The following RPTOR variants were observed in gnomAD, a reference collection of about 807,000 sequenced individuals.
RPTOR encodes the protein regulatory associated protein of MTOR complex 1, also known as regulatory-associated protein of mTOR.
RPTOR carries 21 observed loss-of-function variants against 169.9 expected under a neutral mutation model. That is an observed-to-expected ratio of 0.12 (90% CI 0.09 to 0.18). The LOEUF (loss-of-function observed/expected upper bound fraction) is 0.18. RPTOR is among the 10% of genes least tolerant of loss of function. The probability of loss-of-function intolerance (pLI) is 1.00; values close to 1 mark genes in which losing one functional copy is unlikely to be tolerated. For synonymous variants in RPTOR, 732 were observed against 753.2 expected (o/e 0.97, Z 0.46); for missense variants, 1,133 against 1,855.9 (o/e 0.61, Z 7.16).
At chr17:80,854,467 C>G (rs562282536) in intron 11 of RPTOR, among the ~76,000 whole-genome samples, 15 of 152,348 alleles carry the variant, frequency 9.8e-5, no homozygotes, top group African/African-American at 3.6e-4. Flanking sequence ...GGTTCAGCCT[C>G]AGGGTCATTT....
chr17:80,930,332 C>T (rs796270574), intron 24 of RPTOR, among the ~76,000 whole-genome samples: 254 of 82,168 alleles, frequency 3.1e-3, no homozygotes, highest in African/African-American at 4.0e-3. Context: ...TCAGCTCATC[C>T]TCAGCTCATC....
chr17:80,752,467 A>G (rs938855208), intron 5 of RPTOR, among the ~76,000 whole-genome samples: 2 of 152,248 alleles, frequency 1.3e-5, no homozygotes, highest in Admixed American at 1.3e-4. Context: ...GCTCTTCTCA[A>G]TTATTTCCAG....
At chr17:80,817,545 G>T (rs1391101110) in intron 7 of RPTOR, among the ~76,000 whole-genome samples, 1 of 152,018 alleles carries the variant, frequency 6.6e-6, no homozygotes, top group Non-Finnish European at 1.5e-5. Context: ...ACCGGGGAGG[G>T]ACAGGGCCCC....
intron 4 of RPTOR, among the ~76,000 whole-genome samples, chr17:80,710,801 A>T (rs1339171712): frequency 6.6e-6 from 1 of 152,220 alleles, no homozygotes; most frequent in Admixed American, 6.5e-5. Context: ...CGTGAGTGAG[A>T]TTGGACAGGG....
intron 5 of RPTOR, among the ~76,000 whole-genome samples, chr17:80,753,484 T>C (rs1873023551): frequency 6.6e-6 from 1 of 151,472 alleles, no homozygotes. Flanking sequence ...AATACAAAAA[T>C]TAGCCGGGCA....
chr17:80,849,105 C>T (rs566172514), intron 11 of RPTOR, among the ~76,000 whole-genome samples: 4 of 152,286 alleles, frequency 2.6e-5, no homozygotes, highest in Admixed American at 1.3e-4. Context: ...ACGTACCCCC[C>T]GGGAGTGGCT....
chr17:80,826,312 T>C (rs2067442512), intron 9 of RPTOR, among the ~76,000 whole-genome samples: 1 of 152,236 alleles, frequency 6.6e-6, no homozygotes, highest in African/African-American at 2.4e-5. Flanking sequence ...AGAGGAGCTC[T>C]TCCACAAGCG....
At chr17:80,772,787 G>A (rs2066857428) in intron 6 of RPTOR, among the ~76,000 whole-genome samples, 1 of 152,036 alleles carries the variant, frequency 6.6e-6, no homozygotes, top group Non-Finnish European at 1.5e-5. Context: ...TACATATTAA[G>A]ACTTTTTGTT....
chr17:80,786,812 C>G (rs1001875296), intron 6 of RPTOR, among the ~76,000 whole-genome samples: 3 of 152,204 alleles, frequency 2.0e-5, no homozygotes, highest in Non-Finnish European at 4.4e-5. Context: ...TGTACGGAGG[C>G]AGCCTTTAGG....
chr17:80,786,246 G>A (rs749093817), intron 6 of RPTOR, among the ~76,000 whole-genome samples: 8 of 152,138 alleles, frequency 5.3e-5, no homozygotes, highest in Non-Finnish European at 1.2e-4. Context: ...TCAGTGTTGT[G>A]TAAAAGATAA....
At chr17:80,569,110 A>C (rs1211153670) in intron 1 of RPTOR, among the ~76,000 whole-genome samples, 5 of 152,264 alleles carry the variant, frequency 3.3e-5, no homozygotes, top group African/African-American at 1.2e-4. Flanking sequence ...TGTTTTAAAA[A>C]TCTTATCTGT....
Position 80,855,505 on chromosome 17 carries a change from G to A in RPTOR, c.1356G>A (p.Leu452=), listed in dbSNP as rs2143744806. Residue 452 remains leucine, a synonymous_variant, in exon 12 of 34, where the codon TTG becomes TTA. Coordinates refer to ENST00000306801, the MANE Select transcript of RPTOR (RefSeq NM_020761.3). ...TGCACCGGCTGAGAGCATTGGACTT[G>A]CTTGGAAGATTTTTGGACCTGGGTC... ...SQVHRLRALD[L]LGRFLDLGPW... 6.2e-7 allele frequency: 1 copy of A among 1,614,144 alleles called. No homozygotes were observed. The highest frequency in any genetic ancestry group is 8.5e-7 in the Non-Finnish European group (1 of 1,179,976).
chr17:80,962,625 C>A, intron 32 of RPTOR, 48 bp downstream of exon 32: 1 of 1,523,134 alleles, frequency 6.6e-7, no homozygotes, highest in Non-Finnish European at 9.0e-7. Flanking sequence ...CCGCCTCGGG[C>A]CTCTGTGCAA....
chr17:80,673,416 T>C (rs1018142549), intron 3 of RPTOR, among the ~76,000 whole-genome samples: 2 of 152,216 alleles, frequency 1.3e-5, no homozygotes, highest in Non-Finnish European at 1.5e-5. Flanking sequence ...AGCACTGTTA[T>C]CACTGTGGAG....
At chr17:80,613,700 A>G (rs747035265) in intron 1 of RPTOR, among the ~76,000 whole-genome samples, 2 of 151,400 alleles carry the variant, frequency 1.3e-5, no homozygotes, top group African/African-American at 2.4e-5. Flanking sequence ...TCTGTTGTTG[A>G]ATGAAGTGGT....
intron 24 of RPTOR, among the ~76,000 whole-genome samples, chr17:80,930,198 C>T (rs974616031): frequency 8.3e-5 from 12 of 144,360 alleles, no homozygotes; most frequent in Middle Eastern, 3.8e-3. Flanking sequence ...AGCTCATGCC[C>T]AGCTCATCCC....
At chr17:80,822,505 G>C (rs570894642) in intron 8 of RPTOR, among the ~76,000 whole-genome samples, 14 of 152,350 alleles carry the variant, frequency 9.2e-5, no homozygotes, top group African/African-American at 2.6e-4. Context: ...TTCTCAGAAC[G>C]GTGGTGTGGA....
chr17:80,910,416 TAAA>T (rs1419487547), intron 21 of RPTOR, among the ~76,000 whole-genome samples: 5 of 152,206 alleles, frequency 3.3e-5, no homozygotes, highest in African/African-American at 9.6e-5. Flanking sequence ...TTATAGCACT[TAAA>T]AATTTTTTGG....
intron 33 of RPTOR, among the ~76,000 whole-genome samples, chr17:80,963,809 C>T (rs111858305): frequency 0.056 from 6,689 of 119,870 alleles, 269 homozygotes; most frequent in East Asian, 0.11. Context: ...GCCCTCACCC[C>T]GTCCGCTGTG....
Sources: gnomAD v4.1 joint callset for allele counts (sites outside exome capture counted in the v4.1 genomes callset) on GRCh38, gnomAD v4.1.1 for gene constraint, MANE v1.5 for transcripts, NCBI Gene and HGNC (gene_info 2026-07-23, HGNC 2026-07-21) for gene names.